SYT1: variants seen among roughly 807,000 people sequenced by gnomAD.
SYT1 encodes synaptotagmin-1.
A neutral mutation model predicts 44.8 loss-of-function variants in SYT1; 8 were observed. The observed-to-expected ratio is 0.18, with a 90% CI of 0.10 to 0.32. SYT1 has a LOEUF of 0.32. SYT1 is among the 10% of genes least tolerant of loss of function. The probability of loss-of-function intolerance (pLI) is 1.00; values close to 1 mark genes in which losing one functional copy is unlikely to be tolerated. For synonymous variants in SYT1, 154 were observed against 188.8 expected (o/e 0.82, Z 1.51); for missense variants, 286 against 509.3 (o/e 0.56, Z 4.22).
At chr12:78,933,919 G>T (rs1877893123) in intron 1 of SYT1, among the ~76,000 whole-genome samples, 1 of 152,006 alleles carries the variant, frequency 6.6e-6, no homozygotes. Flanking sequence ...GTTATTTCCA[G>T]AAACATAGGA....
At position 78,941,063 on chromosome 12, in the gene SYT1, TTC is replaced by T. The variant is rs1464723028; in HGVS notation, c.-216-36734_-216-36733del. On this transcript the variant is annotated intron_variant, in intron 1 of 10. Coordinates refer to ENST00000261205, the MANE Select transcript of SYT1 (RefSeq NM_005639.3). ...TTCTTTACTTTTTTTTTCTTTTTTT[TTC>T]TTTTTTTTTTTTTTTTTTGAGATGG... is the stretch of plus-strand genomic sequence containing the variant. 9.8e-4 allele frequency among the ~76,000 whole-genome samples: 126 copies of T among 128,542 alleles called. 1 individual carries two copies. The highest frequency in any genetic ancestry group is 3.3e-3 in the African/African-American group (111 of 33,952). 84.3% of individuals were successfully genotyped at this position (128,542 alleles called of 152,430 possible). A position where few individuals can be genotyped will look rare whatever the true frequency, so the allele number is the denominator to read the frequency against.
At chr12:78,923,593 C>T (rs974668417) in intron 1 of SYT1, among the ~76,000 whole-genome samples, 2 of 151,740 alleles carry the variant, frequency 1.3e-5, no homozygotes, top group Non-Finnish European at 2.9e-5. Context: ...AGATTTCAGA[C>T]GTTCAGAATA....
intron 3 of SYT1, among the ~76,000 whole-genome samples, chr12:79,112,824 C>T (rs938036650): frequency 1.3e-5 from 2 of 151,954 alleles, no homozygotes; most frequent in Admixed American, 1.3e-4. Context: ...AACTACATTC[C>T]CTTTGGTACT....
At chr12:79,104,516 G>C (rs1878608526) in intron 3 of SYT1, among the ~76,000 whole-genome samples, 1 of 152,002 alleles carries the variant, frequency 6.6e-6, no homozygotes, top group African/African-American at 2.4e-5. Context: ...TGTTTCATCA[G>C]GATAATGGCT....
chr12:79,368,576 T>G (rs1429643586), intron 9 of SYT1, among the ~76,000 whole-genome samples: 3 of 150,778 alleles, frequency 2.0e-5, no homozygotes, highest in Non-Finnish European at 4.4e-5. Flanking sequence ...CCTGACTTTT[T>G]AATGATTGCC....
At chr12:79,246,656 G>T (rs1218901319) in intron 4 of SYT1, among the ~76,000 whole-genome samples, 3 of 152,158 alleles carry the variant, frequency 2.0e-5, no homozygotes, top group Non-Finnish European at 4.4e-5. Context: ...CTTTTATAAG[G>T]CATTAATCCC....
intron 8 of SYT1, among the ~76,000 whole-genome samples, chr12:79,320,850 TGGCCTCGTGATCGGCCCAACTC>T (rs1881325879): frequency 3.3e-5 from 5 of 151,962 alleles, no homozygotes; most frequent in Admixed American, 2.6e-4. Context: ...CTCTATCTCT[TGGCCTCGTGATCGGCCCAACTC>T]GGCCTCCCAA....
At chr12:79,247,445 G>C (rs1182273178) in intron 4 of SYT1, among the ~76,000 whole-genome samples, 1 of 152,110 alleles carries the variant, frequency 6.6e-6, no homozygotes, top group Non-Finnish European at 1.5e-5. Flanking sequence ...GGGATATATA[G>C]AGTATAATGC....
chr12:79,199,506 G>T (rs1178419897), intron 3 of SYT1, among the ~76,000 whole-genome samples: 1 of 151,946 alleles, frequency 6.6e-6, no homozygotes, highest in African/African-American at 2.4e-5. Context: ...TTTGAGTCAG[G>T]CCTCCATTCT....
intron 9 of SYT1, among the ~76,000 whole-genome samples, chr12:79,422,466 T>C (rs955768732): frequency 1.3e-5 from 2 of 151,542 alleles, no homozygotes; most frequent in East Asian, 3.9e-4. Flanking sequence ...TTCTCTGTTC[T>C]ATCTAGTATA....
In SYT1 at chr12:79,451,281, G is replaced by GTAAT. The variant is rs1362744084; in HGVS notation, c.*2158_*2161dup. ...GGTCCGTACTTCTTAAAAAACATAG[G>GTAAT]TAATAGAAAATATACACAAGTCAGA... On this transcript the variant is annotated 3_prime_UTR_variant, in exon 11 of 11. Coordinates refer to ENST00000261205, the MANE Select transcript of SYT1 (RefSeq NM_005639.3). The GTAAT allele has an allele frequency of 6.6e-6, 1 of 152,152 alleles. No individual in the cohort carries two copies. The highest frequency in any genetic ancestry group is 2.4e-5 in the African/African-American group (1 of 41,422). The allele number at this position is 152,152 out of a possible 1,614,324, so 9.4% of individuals were successfully genotyped here. A position where few individuals can be genotyped will look rare whatever the true frequency, so the allele number is the denominator to read the frequency against.
intron 3 of SYT1, among the ~76,000 whole-genome samples, chr12:79,059,743 C>A (rs1004450615): frequency 1.7e-4 from 26 of 152,030 alleles, no homozygotes; most frequent in Admixed American, 6.6e-4. Flanking sequence ...TGTTAGACAG[C>A]CCCAGATAGC....
intron 1 of SYT1, among the ~76,000 whole-genome samples, chr12:78,932,262 C>A (rs1877799998): frequency 6.6e-6 from 1 of 151,900 alleles, no homozygotes; most frequent in Non-Finnish European, 1.5e-5. Flanking sequence ...AATGAGAAAC[C>A]AATTGTAGCT....
At position 79,384,863 on chromosome 12, in the gene SYT1, C is replaced by T. The variant is rs139619583; in HGVS notation, c.928+31244C>T. On this transcript the variant is annotated intron_variant, in intron 9 of 10. Transcript: ENST00000261205. ...TTACGTAAGATGTTATGTTCCTGAT[C>T]TGTTTATGTATGGGTGTTTAATACC... Among the ~76,000 whole-genome samples, 4 of 152,066 alleles carry T rather than the reference C, an allele frequency of 2.6e-5. No homozygotes were observed. The East Asian group carries it at 7.7e-4, about 29-fold the overall frequency.
At chr12:79,146,885 G>C (rs1275650788) in intron 3 of SYT1, among the ~76,000 whole-genome samples, 1 of 152,036 alleles carries the variant, frequency 6.6e-6, no homozygotes, top group African/African-American at 2.4e-5. Flanking sequence ...CTGTCGCCCA[G>C]GCTAGAGCAC....
intron 4 of SYT1, among the ~76,000 whole-genome samples, chr12:79,271,292 C>A (rs1878411266): frequency 6.6e-6 from 1 of 152,078 alleles, no homozygotes; most frequent in Non-Finnish European, 1.5e-5. Context: ...AGTGCCAAAA[C>A]TCCCTGGAAG....
rs1186277306 is a variant in SYT1 at position 79,014,762 on chromosome 12, G to A, written c.-83-32535G>A. Among the ~76,000 whole-genome samples the A allele has an allele frequency of 3.3e-5, 5 of 151,992 alleles. 1 individual carries two copies. Among genetic ancestry groups the A allele is most frequent in the Admixed American group, 2.6e-4 (4 of 15,250 alleles). On this transcript the variant is annotated intron_variant, in intron 2 of 10. Transcript: ENST00000261205. Reference sequence around the variant, plus strand: ...TGCTGCTATAAAGACACATGCACACGTATGTTTATTGCGGCACTATTCACA... The same window carrying A: ...TGCTGCTATAAAGACACATGCACACATATGTTTATTGCGGCACTATTCACA...
intron 3 of SYT1, among the ~76,000 whole-genome samples, chr12:79,071,072 T>C (rs1432814504): frequency 6.6e-6 from 1 of 152,040 alleles, no homozygotes; most frequent in Non-Finnish European, 1.5e-5. Context: ...AAAGTGAAGA[T>C]ATATAGACAA....
At chr12:79,101,675 C>T (rs918601763) in intron 3 of SYT1, among the ~76,000 whole-genome samples, 7 of 152,084 alleles carry the variant, frequency 4.6e-5, no homozygotes, top group East Asian at 1.9e-4. Flanking sequence ...AATCTTAGCA[C>T]TTTGCAAAGT....
Sources: allele counts gnomAD v4.1 joint callset (sites outside exome capture counted in the v4.1 genomes callset), GRCh38; gene constraint gnomAD v4.1.1; transcripts MANE v1.5; gene names NCBI Gene and HGNC (gene_info 2026-07-23, HGNC 2026-07-21).